MMEL1: variants seen among roughly 807,000 people sequenced by gnomAD.
MMEL1 encodes membrane metallo-endopeptidase-like 1.
MMEL1 carries 98 observed loss-of-function variants against 117.1 expected under a neutral mutation model. The observed-to-expected ratio is 0.84, with a 90% CI of 0.71 to 0.99. MMEL1 has a LOEUF of 0.99. Ranked by LOEUF, MMEL1 falls within the 50% of genes least tolerant of loss-of-function variation. The pLI, the probability that MMEL1 is intolerant of heterozygous loss-of-function variation, is 0.00. For missense variants in MMEL1, 1,014 were observed against 1,049.1 expected, an observed-to-expected ratio of 0.97 and a Z score of 0.46; for synonymous variants, 390 against 415.1, an observed-to-expected ratio of 0.94 and a Z score of 0.74.
rs747342694 is a variant in MMEL1, at chr1:2,609,760, C to T, written c.364G>A (p.Gly122Ser). The T allele has an allele frequency of 2.5e-6, 4 of 1,613,910 alleles. No homozygotes were observed. Among genetic ancestry groups the T allele is most frequent in the East Asian group, 4.5e-5 (2 of 44,880 alleles). Residue 122 changes from glycine (G) to serine (S), a missense_variant, in exon 5 of 24, where the codon GGC becomes AGC. Gly to Ser is a moderately conservative substitution (Grantham distance 56). Transcript: ENST00000378412. ...CDDFYQFACG[G>S]WLRRHVIPET... ...GGGATCACGTGGCGCCGCAGCCAGC[C>T]TCCGCATGCAAACTGGTAGAAGTCG...
chr1:2,625,326 C>T (rs968387833), intron 2 of MMEL1, among the ~76,000 whole-genome samples: 7 of 152,308 alleles, frequency 4.6e-5, no homozygotes, highest in South Asian at 2.1e-4. Context: ...CTCATCTGGG[C>T]GAGTTACTTC....
At chr1:2,611,723 A>C (rs973192013) in intron 3 of MMEL1, among the ~76,000 whole-genome samples, 2 of 152,142 alleles carry the variant, frequency 1.3e-5, no homozygotes, top group African/African-American at 4.8e-5. Context: ...GTACCCCCAC[A>C]GCTGCCCCAG....
intron 2 of MMEL1, among the ~76,000 whole-genome samples, chr1:2,628,971 G>A (rs1394831071): frequency 6.6e-6 from 1 of 151,880 alleles, no homozygotes; most frequent in Non-Finnish European, 1.5e-5. Context: ...GGCCAGGCAG[G>A]GAGGGGGTGG....
intron 13 of MMEL1, 29 bp from the exon 14 acceptor site, chr1:2,596,718 G>T (rs776625643): frequency 2.4e-5 from 38 of 1,608,046 alleles, no homozygotes; most frequent in Non-Finnish European, 2.9e-5. Context: ...CATCCCACGG[G>T]CCCCCACGTC....
At position 2,595,197 on chromosome 1, in the gene MMEL1, G is replaced by T. The variant is rs1644813912; in HGVS notation, c.1584+79C>A. 1.5e-6 allele frequency: 2 copies of T among 1,323,530 alleles called. No individual in the cohort carries two copies. The highest frequency in any genetic ancestry group is 1.3e-5 in the South Asian group (1 of 78,534). The allele number at this position is 1,323,530 out of a possible 1,614,324, so 82.0% of individuals were successfully genotyped here. On this transcript the variant is annotated intron_variant, in intron 16 of 23. Transcript: ENST00000378412. The surrounding 1 kb of genome is among the most constrained non-coding windows in gnomAD (Gnocchi z 4.8). Reference sequence around the variant, plus strand: ...CGCCTGGGAGGAGGGCACAGAGCTTGGCACAGAGGAGCCCCCAGGCAATCA... The same window carrying T: ...CGCCTGGGAGGAGGGCACAGAGCTTTGCACAGAGGAGCCCCCAGGCAATCA...
intron 11 of MMEL1, 80 bp from the exon 12 acceptor site, chr1:2,598,870 C>A: frequency 2.4e-6 from 3 of 1,256,210 alleles, no homozygotes; most frequent in South Asian, 1.4e-5. Flanking sequence ...AAACCCAGCC[C>A]CTGTTGAAGA....
intron 12 of MMEL1, 114 bp downstream of exon 12, chr1:2,598,540 C>T (rs1203068150): frequency 7.9e-6 from 12 of 1,521,604 alleles, no homozygotes; most frequent in Non-Finnish European, 1.1e-5. Flanking sequence ...GTCCCACACC[C>T]CTCAGGGCAG....
Position 2,612,284 on chromosome 1 carries a change from C to T in MMEL1, c.155-80G>A, listed in dbSNP as rs1193529716. ...TGCTGGGGGCCTCCCTGGGTCAGCA[C>T]GCCATCTTCCCACAGTGCTGGGTGC... On this transcript the variant is annotated intron_variant, in intron 2 of 23. Transcript: ENST00000378412. This position sits in a 1 kb window ranked among gnomAD's most constrained non-coding sequence, Gnocchi z 5.4. 1.9e-5 allele frequency: 23 copies of T among 1,206,258 alleles called. No homozygotes were observed. Among genetic ancestry groups the T allele is most frequent in the South Asian group, 3.9e-5 (3 of 76,362 alleles). The allele number at this position is 1,206,258 out of a possible 1,614,324, so 74.7% of individuals were successfully genotyped here.
At chr1:2,591,865 C>T in intron 22 of MMEL1, 67 bp downstream of exon 22, 1 of 1,501,594 alleles carries the variant, frequency 6.7e-7, no homozygotes, top group South Asian at 1.1e-5. Context: ...GGAGGTGCCC[C>T]AGAGTGGGCC....
intron 2 of MMEL1, among the ~76,000 whole-genome samples, chr1:2,625,999 A>G (rs1312914936): frequency 6.6e-6 from 1 of 152,182 alleles, no homozygotes; most frequent in Non-Finnish European, 1.5e-5. Context: ...ACCACCCACA[A>G]GTGGACAGCT....
chr1:2,604,795 C>T (rs1461152390), intron 9 of MMEL1, among the ~76,000 whole-genome samples: 5 of 152,172 alleles, frequency 3.3e-5, no homozygotes, highest in Non-Finnish European at 5.9e-5. Context: ...CAGGCCAATG[C>T]TCTGGCCAGG....
intron 2 of MMEL1, among the ~76,000 whole-genome samples, chr1:2,621,351 A>C (rs1645286249): frequency 6.6e-6 from 1 of 152,150 alleles, no homozygotes; most frequent in Admixed American, 6.5e-5. Context: ...TAAGAACTAC[A>C]ATCTATTTTC....
At chr1:2,604,120 G>GCAGCCCCC in intron 10 of MMEL1, 27 bp downstream of exon 10, 1 of 1,330,074 alleles carries the variant, frequency 7.5e-7, no homozygotes, top group Non-Finnish European at 1.1e-6. Flanking sequence ...CTCGCTGCCC[G>GCAGCCCCC]CTCCCCACCC....
At chr1:2,603,813 G>A (rs1644972871) in intron 11 of MMEL1, 71 bp downstream of exon 11, 35 of 1,429,320 alleles carry the variant, frequency 2.4e-5, no homozygotes, top group Non-Finnish European at 3.4e-5. Flanking sequence ...TGCCCTCTCA[G>A]AGGGCCGCTT....
chr1:2,629,517 G>A lies in MMEL1; in HGVS notation c.-33C>T, dbSNP rs997061286. On this transcript the variant is annotated 5_prime_UTR_variant, in exon 2 of 24. Transcript: ENST00000378412. Reference sequence around the variant, plus strand: ...GCTCTGGACGGGAGAGCACCGCGGAGGAACCTGCAGGCCCAGGGCAGGGGA... The same window carrying A: ...GCTCTGGACGGGAGAGCACCGCGGAAGAACCTGCAGGCCCAGGGCAGGGGA... The A allele has an allele frequency of 6.7e-5, 96 of 1,438,810 alleles. No individual in the cohort carries two copies. Among genetic ancestry groups the A allele is most frequent in the Non-Finnish European group, 8.5e-5 (93 of 1,093,954 alleles). The allele number at this position is 1,438,810 out of a possible 1,614,324, so 89.1% of individuals were successfully genotyped here.
chr1:2,591,171 C>T, intron 23 of MMEL1, 82 bp from the exon 24 acceptor site: 1 of 925,240 alleles, frequency 1.1e-6, no homozygotes, highest in Non-Finnish European at 1.6e-6. Context: ...GATTAAAAAC[C>T]AGCCCAAAAC....
At chr1:2,629,698 T>C (rs1035191546) in intron 1 of MMEL1, 177 bp from the exon 2 acceptor site, 13 of 524,768 alleles carry the variant, frequency 2.5e-5, no homozygotes, top group South Asian at 2.3e-4. Context: ...CTTTCCACAC[T>C]ACCCCTGGGC....
At position 2,595,211 on chromosome 1, in the gene MMEL1, C is replaced by T; in HGVS notation, c.1584+65G>A. 2 of 1,452,640 alleles carry T rather than the reference C, an allele frequency of 1.4e-6. No homozygotes were observed. Among genetic ancestry groups the T allele is most frequent in the Non-Finnish European group, 1.9e-6 (2 of 1,043,578 alleles). The allele number at this position is 1,452,640 out of a possible 1,614,324, so 90.0% of individuals were successfully genotyped here. ...GCACAGAGCTTGGCACAGAGGAGCCCCCAGGCAATCAGGGCCCATGTCCAC... is the reference window on the plus strand; with the variant it reads ...GCACAGAGCTTGGCACAGAGGAGCCTCCAGGCAATCAGGGCCCATGTCCAC... On this transcript the variant is annotated intron_variant, in intron 16 of 23. Transcript: ENST00000378412. The surrounding 1 kb of genome is among the most constrained non-coding windows in gnomAD (Gnocchi z 4.8).
intron 1 of MMEL1, 92 bp from the exon 2 acceptor site, chr1:2,629,613 G>A (rs1215457003): frequency 8.6e-7 from 1 of 1,167,120 alleles, no homozygotes; most frequent in Admixed American, 3.3e-5. Flanking sequence ...GCTGGGAGCG[G>A]GCGCTGGGTG....
Sources: allele counts gnomAD v4.1 joint callset (sites outside exome capture counted in the v4.1 genomes callset), GRCh38; gene constraint gnomAD v4.1.1; non-coding constraint Gnocchi (gnomAD v3.1); transcripts MANE v1.5; gene names NCBI Gene and HGNC (gene_info 2026-07-23, HGNC 2026-07-21).